EPB41L4A: variants seen among roughly 807,000 people sequenced by gnomAD.
EPB41L4A encodes the protein erythrocyte membrane protein band 4.1 like 4A.
Under a neutral mutation model 108.6 loss-of-function variants are expected in EPB41L4A, and 100 were observed. The observed-to-expected ratio is 0.92, with a 90% CI of 0.78 to 1.09. EPB41L4A has a LOEUF of 1.09. Ranked by LOEUF, EPB41L4A falls within the 50% of genes least tolerant of loss-of-function variation. The pLI is 0.00. For synonymous variants in EPB41L4A, 319 were observed against 289.0 expected, an observed-to-expected ratio of 1.10 and a Z score of -1.05; for missense variants, 1,030 against 842.7, an observed-to-expected ratio of 1.22 and a Z score of -2.75.
At chr5:112,372,345 G>A (rs372740992) in intron 1 of EPB41L4A, among the ~76,000 whole-genome samples, 4 of 152,216 alleles carry the variant, frequency 2.6e-5, no homozygotes, top group South Asian at 2.1e-4. Flanking sequence ...AGGGAAAACC[G>A]CCCCCATGAT....
chr5:112,376,168 A>G (rs557165102), intron 1 of EPB41L4A, among the ~76,000 whole-genome samples: 12 of 152,336 alleles, frequency 7.9e-5, no homozygotes, highest in Admixed American at 6.5e-4. Flanking sequence ...AGAACTCGCA[A>G]AACTCAACAG....
Position 112,380,792 on chromosome 5 carries a change from TACACAC to T in EPB41L4A, c.99+38143_99+38148del, listed in dbSNP as rs34831455. On this transcript the variant is annotated intron_variant, in intron 1 of 22. Coordinates refer to ENST00000261486, the MANE Select transcript of EPB41L4A (RefSeq NM_022140.5). ...ACCCATCCTCTGCACATCACACACA[TACACAC>T]ACACACACACACACACACACACACA... 5.6e-3 allele frequency among the ~76,000 whole-genome samples: 788 copies of T among 141,208 alleles called. 3 individuals are homozygous for T. Among genetic ancestry groups the T allele is most frequent in the East Asian group, 0.019 (89 of 4,756 alleles). The allele number at this position is 141,208 out of a possible 152,430, so 92.6% of individuals were successfully genotyped here.
In EPB41L4A at chr5:112,240,821, AAG is replaced by A. The variant is rs759955350; in HGVS notation, c.796-13_796-12del. 6.5e-7 allele frequency: 1 copy of A among 1,531,002 alleles called. No individual in the cohort carries two copies. Among genetic ancestry groups the A allele is most frequent in the Non-Finnish European group, 8.9e-7 (1 of 1,127,218 alleles). 94.8% of individuals were successfully genotyped at this position (1,531,002 alleles called of 1,614,324 possible). On this transcript the variant is annotated splice_polypyrimidine_tract_variant and intron_variant, in intron 9 of 22. Coordinates refer to ENST00000261486, the MANE Select transcript of EPB41L4A (RefSeq NM_022140.5). ...TGAGGTTTCGTTACACTAAGAGAGA[AAG>A]AGAGACAGAATATGAATAATGACCA...
rs763503571 is a variant in EPB41L4A, at chr5:112,259,997, T to C, written c.643-18A>G. Reference sequence around the variant, plus strand: ...TTTTCTCCCTGCAAAAACAAACATATGCCTATAACCACATATTCACATAAA... The same window carrying C: ...TTTTCTCCCTGCAAAAACAAACATACGCCTATAACCACATATTCACATAAA... On this transcript the variant is annotated intron_variant, in intron 7 of 22. Transcript: ENST00000261486. The C allele has an allele frequency of 1.3e-5, 20 of 1,529,004 alleles. No homozygotes were observed. In the South Asian group the frequency reaches 2.2e-4, roughly 17 times the overall value. 94.7% of individuals were successfully genotyped at this position (1,529,004 alleles called of 1,614,324 possible). A position where few individuals can be genotyped will look rare whatever the true frequency, so the allele number is the denominator to read the frequency against.
intron 18 of EPB41L4A, among the ~76,000 whole-genome samples, chr5:112,180,781 G>C (rs567154674): frequency 6.6e-6 from 1 of 152,180 alleles, no homozygotes; most frequent in South Asian, 2.1e-4. Context: ...CACAGCCTGG[G>C]AGAAAGTATT....
At chr5:112,338,211 A>C (rs116105902) in intron 1 of EPB41L4A, among the ~76,000 whole-genome samples, 1 of 152,158 alleles carries the variant, frequency 6.6e-6, no homozygotes, top group Non-Finnish European at 1.5e-5. Context: ...CAGTCTTCTC[A>C]CACCCCTGAG....
chr5:112,307,210 G>C (rs1754745815), intron 2 of EPB41L4A, among the ~76,000 whole-genome samples, 176 bp downstream of exon 2: 1 of 152,166 alleles, frequency 6.6e-6, no homozygotes, highest in Non-Finnish European at 1.5e-5. Context: ...CAACTCTACA[G>C]ACTTTTGGCA....
At chr5:112,214,752 C>G (rs527263651) in intron 12 of EPB41L4A, among the ~76,000 whole-genome samples, 11 of 151,822 alleles carry the variant, frequency 7.2e-5, no homozygotes, top group African/African-American at 2.2e-4. Flanking sequence ...GGCGACAGAG[C>G]AAGACTCCAT....
chr5:112,237,694 G>A (rs966315868), intron 11 of EPB41L4A, among the ~76,000 whole-genome samples: 1 of 152,172 alleles, frequency 6.6e-6, no homozygotes, highest in Non-Finnish European at 1.5e-5. Context: ...TATTGTGCTG[G>A]TTAAAGTCTG....
At chr5:112,149,902 G>C (rs759150946) in intron 12 of EPB41L4A, among the ~76,000 whole-genome samples, 1 of 152,124 alleles carries the variant, frequency 6.6e-6, no homozygotes, top group Non-Finnish European at 1.5e-5. Context: ...TTGGGAGTTA[G>C]GAGATAAGAC....
chr5:112,390,827 C>T (rs1760887394), intron 1 of EPB41L4A, among the ~76,000 whole-genome samples: 1 of 152,266 alleles, frequency 6.6e-6, no homozygotes, highest in Non-Finnish European at 1.5e-5. Context: ...CAGCTGGGTG[C>T]CCCTCTGAGA....
chr5:112,304,396 G>A (rs928298729), intron 2 of EPB41L4A, among the ~76,000 whole-genome samples: 1 of 152,110 alleles, frequency 6.6e-6, no homozygotes, highest in African/African-American at 2.4e-5. Context: ...CCTAATATGA[G>A]AGACCTACAT....
At chr5:112,235,916 C>G (rs2150369840) in intron 11 of EPB41L4A, among the ~76,000 whole-genome samples, 1 of 152,196 alleles carries the variant, frequency 6.6e-6, no homozygotes, top group African/African-American at 2.4e-5. Context: ...TGAAATGTAA[C>G]TTCTTCTAAA....
chr5:112,195,087 G>A (rs886091641), intron 16 of EPB41L4A, among the ~76,000 whole-genome samples: 6 of 152,184 alleles, frequency 3.9e-5, no homozygotes, highest in Admixed American at 3.9e-4. Flanking sequence ...AATAGAATGA[G>A]GTGGAAGGGA....
chr5:112,370,739 A>T (rs964666414), intron 1 of EPB41L4A, among the ~76,000 whole-genome samples: 2 of 152,108 alleles, frequency 1.3e-5, no homozygotes, highest in African/African-American at 2.4e-5. Context: ...ACACGGCAAA[A>T]CCCTGTCTCT....
At chr5:112,309,854 G>T (rs1008049638) in intron 1 of EPB41L4A, among the ~76,000 whole-genome samples, 1 of 152,272 alleles carries the variant, frequency 6.6e-6, no homozygotes, top group East Asian at 1.9e-4. Flanking sequence ...GATGAAGGGG[G>T]CTATCTGAGA....
chr5:112,373,648 T>G (rs1171330816), intron 1 of EPB41L4A, among the ~76,000 whole-genome samples: 1 of 152,202 alleles, frequency 6.6e-6, no homozygotes, highest in Non-Finnish European at 1.5e-5. Context: ...GTTACTAAAC[T>G]TGCCCAGCCA....
At chr5:112,332,877 T>A (rs1305466046) in intron 1 of EPB41L4A, among the ~76,000 whole-genome samples, 1 of 152,212 alleles carries the variant, frequency 6.6e-6, no homozygotes, top group Non-Finnish European at 1.5e-5. Context: ...CTTTCTTCCG[T>A]TACTGTTTTG....
intron 18 of EPB41L4A, among the ~76,000 whole-genome samples, chr5:112,173,107 G>A (rs570237731): frequency 6.6e-6 from 1 of 152,316 alleles, no homozygotes; most frequent in Non-Finnish European, 1.5e-5. Flanking sequence ...GGCTATGGTT[G>A]GGTGGTGGAA....
Sources: allele counts gnomAD v4.1 joint callset (sites outside exome capture counted in the v4.1 genomes callset), GRCh38; gene constraint gnomAD v4.1.1; transcripts MANE v1.5; gene names NCBI Gene and HGNC (gene_info 2026-07-23, HGNC 2026-07-21).